MGMT: variants seen among roughly 807,000 people sequenced by gnomAD.
MGMT encodes methylated-DNA--protein-cysteine methyltransferase.
MGMT carries 14 observed loss-of-function variants against 15.9 expected under a neutral mutation model. That is an observed-to-expected ratio of 0.88 (90% CI 0.58 to 1.37). The LOEUF (loss-of-function observed/expected upper bound fraction) is 1.37, where lower values mean the gene tolerates loss of function less well. MGMT is among the 40% of genes most tolerant of loss of function. MGMT has a pLI of 0.00. For missense variants in MGMT, 282 were observed against 268.1 expected (o/e 1.05, Z -0.36); for synonymous variants, 130 against 118.2 (o/e 1.10, Z -0.65).
At chr10:129,482,257 G>A (rs529971693) in intron 1 of MGMT, among the ~76,000 whole-genome samples, 8 of 152,178 alleles carry the variant, frequency 5.3e-5, no homozygotes, top group South Asian at 4.2e-4. Context: ...GATCTGCAGG[G>A]GTGAGTTACC....
chr10:129,577,344 A>G (rs1846496184), intron 2 of MGMT, among the ~76,000 whole-genome samples: 1 of 152,212 alleles, frequency 6.6e-6, no homozygotes. Context: ...AGAGATATAG[A>G]CCAATGGAAC....
chr10:129,634,082 G>C (rs979698615), intron 2 of MGMT, among the ~76,000 whole-genome samples: 3 of 152,090 alleles, frequency 2.0e-5, no homozygotes, highest in African/African-American at 2.4e-5. Flanking sequence ...TGTCTTTATT[G>C]CTTCTTGATT....
intron 1 of MGMT, among the ~76,000 whole-genome samples, chr10:129,516,697 C>T (rs920199890): frequency 3.9e-5 from 6 of 152,160 alleles, no homozygotes; most frequent in African/African-American, 1.4e-4. Context: ...AGCTTTCCCC[C>T]ACCCCAGCCC....
chr10:129,657,674 A>AAC (rs60284981), intron 2 of MGMT, among the ~76,000 whole-genome samples: 7,175 of 93,452 alleles, frequency 0.077, 252 homozygotes, highest in Non-Finnish European at 0.1. Flanking sequence ...CAGCTCCTCC[A>AAC]ACACACACAC....
At chr10:129,481,765 G>T (rs1054547821) in intron 1 of MGMT, among the ~76,000 whole-genome samples, 1 of 152,130 alleles carries the variant, frequency 6.6e-6, no homozygotes. Context: ...TTTAATGTCT[G>T]TGGGATTTTG....
chr10:129,723,866 C>G (rs1848402823), intron 3 of MGMT, among the ~76,000 whole-genome samples: 1 of 152,198 alleles, frequency 6.6e-6, no homozygotes, highest in Non-Finnish European at 1.5e-5. Flanking sequence ...CAGCTCAGAT[C>G]AGACACCACC....
intron 2 of MGMT, among the ~76,000 whole-genome samples, chr10:129,618,540 T>TG (rs1329067347): frequency 1.1e-4 from 17 of 152,150 alleles, no homozygotes; most frequent in Non-Finnish European, 2.2e-4. Flanking sequence ...TAGAAAAACC[T>TG]GTGATTTTCA....
At chr10:129,487,498 G>C (rs1460405762) in intron 1 of MGMT, among the ~76,000 whole-genome samples, 2 of 151,736 alleles carry the variant, frequency 1.3e-5, no homozygotes, top group African/African-American at 2.4e-5. Flanking sequence ...ATAGACTTTT[G>C]GTAGAAAGGA....
intron 3 of MGMT, among the ~76,000 whole-genome samples, chr10:129,727,451 C>T (rs138844300): frequency 1.1e-3 from 174 of 152,298 alleles, no homozygotes; most frequent in African/African-American, 3.7e-3. Context: ...ACTGCTGAGC[C>T]CGACCCTTCT....
At chr10:129,669,219 C>T (rs1463906310) in intron 2 of MGMT, among the ~76,000 whole-genome samples, 1 of 151,958 alleles carries the variant, frequency 6.6e-6, no homozygotes, top group Non-Finnish European at 1.5e-5. Flanking sequence ...TGTTAAGAGA[C>T]AGAGTCTCAC....
intron 3 of MGMT, among the ~76,000 whole-genome samples, chr10:129,741,863 C>T (rs1848636884): frequency 6.6e-6 from 1 of 152,168 alleles, no homozygotes. Flanking sequence ...TGCCTGGGCC[C>T]ACCGTCCAGG....
At chr10:129,473,427 C>G (rs148687899) in intron 1 of MGMT, among the ~76,000 whole-genome samples, 1 of 152,304 alleles carries the variant, frequency 6.6e-6, no homozygotes, top group Non-Finnish European at 1.5e-5. Context: ...CACCACCACC[C>G]CATGAAGGAG....
chr10:129,601,735 T>A (rs535928314), intron 2 of MGMT, among the ~76,000 whole-genome samples: 2 of 152,350 alleles, frequency 1.3e-5, no homozygotes, highest in Admixed American at 1.3e-4. Context: ...ACCAAAGTCC[T>A]TGGGGAGACC....
At chr10:129,759,657 C>T (rs905936756) in intron 4 of MGMT, among the ~76,000 whole-genome samples, 1 of 152,270 alleles carries the variant, frequency 6.6e-6, no homozygotes, top group East Asian at 1.9e-4. Context: ...CCTGCTCACT[C>T]AGGAGGTGGA....
At chr10:129,646,821 A>C (rs1329497420) in intron 2 of MGMT, among the ~76,000 whole-genome samples, 1 of 146,960 alleles carries the variant, frequency 6.8e-6, no homozygotes, top group Non-Finnish European at 1.5e-5. Flanking sequence ...TGCTGGGCCA[A>C]GGTGAATCAG....
At chr10:129,485,952 C>G (rs1228099406) in intron 1 of MGMT, among the ~76,000 whole-genome samples, 1 of 152,198 alleles carries the variant, frequency 6.6e-6, no homozygotes, top group East Asian at 1.9e-4. Flanking sequence ...CATGTTTAAG[C>G]CTGCTTATTC....
chr10:129,728,514 A>T (rs957192058), intron 3 of MGMT, among the ~76,000 whole-genome samples: 2 of 152,056 alleles, frequency 1.3e-5, no homozygotes, highest in Admixed American at 1.3e-4. Context: ...TCACTTGTAA[A>T]TTCTGCTTGG....
chr10:129,518,337 TACACACAC>T (rs61316662), intron 1 of MGMT, among the ~76,000 whole-genome samples: 31,446 of 119,530 alleles, frequency 0.26, 3,938 homozygotes, highest in Non-Finnish European at 0.34. Context: ...TACACACACA[TACACACAC>T]ACACACACAC....
At chr10:129,610,751 A>T (rs1406913995) in intron 2 of MGMT, among the ~76,000 whole-genome samples, 1 of 152,240 alleles carries the variant, frequency 6.6e-6, no homozygotes, top group Non-Finnish European at 1.5e-5. Context: ...AATGTGTGTA[A>T]TATCTGGCTC....
Sources: allele counts gnomAD v4.1 joint callset (sites outside exome capture counted in the v4.1 genomes callset), GRCh38; gene constraint gnomAD v4.1.1; transcripts MANE v1.5; gene names NCBI Gene and HGNC (gene_info 2026-07-23, HGNC 2026-07-21).